Variants in MCC observed in about 807,000 individuals in gnomAD.
The protein encoded by MCC is colorectal mutant cancer protein.
Under a neutral mutation model 116.2 loss-of-function variants are expected in MCC, and 90 were observed. The observed-to-expected ratio is 0.77, with a 90% confidence interval of 0.65 to 0.92. The LOEUF (loss-of-function observed/expected upper bound fraction) is 0.92, where lower values mean the gene tolerates loss of function less well. Among genes scored for constraint, MCC ranks in the 40% least tolerant of loss-of-function variants. The pLI is 0.00. For missense variants in MCC, 1,516 were observed against 1,312.2 expected, an observed-to-expected ratio of 1.16 and a Z score of -2.40; for synonymous variants, 578 against 510.5, an observed-to-expected ratio of 1.13 and a Z score of -1.78.
rs1463124376 is a variant in MCC, at chr5:113,250,747, G to T, written c.627+89772C>A. On this transcript the variant is annotated intron_variant, in intron 3 of 18. Coordinates refer to ENST00000408903, the MANE Select transcript of MCC (RefSeq NM_001085377.2). ...ACAAAGACGGCCAATGCTGGAAAACGCATGTGGCTTTTTCTAAGGGGCTGA... is the reference window on the plus strand; with the variant it reads ...ACAAAGACGGCCAATGCTGGAAAACTCATGTGGCTTTTTCTAAGGGGCTGA... 2.6e-5 allele frequency among the ~76,000 whole-genome samples: 4 copies of T among 152,248 alleles called. No individual in the cohort carries two copies. The South Asian group carries it at 6.2e-4, about 24-fold the overall frequency.
At chr5:113,325,234 C>T (rs1767523750) in intron 3 of MCC, among the ~76,000 whole-genome samples, 2 of 152,088 alleles carry the variant, frequency 1.3e-5, no homozygotes, top group African/African-American at 4.8e-5. Flanking sequence ...CCCAGTGTTT[C>T]CTTCTTACCA....
At chr5:113,276,328 G>A (rs1176985724) in intron 3 of MCC, among the ~76,000 whole-genome samples, 1 of 152,146 alleles carries the variant, frequency 6.6e-6, no homozygotes, top group Non-Finnish European at 1.5e-5. Context: ...TTTTTAAACT[G>A]AACTTTATAG....
At chr5:113,317,664 T>C (rs1767318818) in intron 3 of MCC, among the ~76,000 whole-genome samples, 1 of 152,222 alleles carries the variant, frequency 6.6e-6, no homozygotes, top group South Asian at 2.1e-4. Flanking sequence ...GAGCAAAATG[T>C]TTTCCATAAA....
chr5:113,199,151 G>A (rs1762568845), intron 3 of MCC, among the ~76,000 whole-genome samples: 1 of 152,010 alleles, frequency 6.6e-6, no homozygotes, highest in African/African-American at 2.4e-5. Flanking sequence ...CAGCCTAGGT[G>A]ACAGAGCGAG....
chr5:113,370,401 G>T (rs1251974744), intron 2 of MCC, among the ~76,000 whole-genome samples: 1 of 152,168 alleles, frequency 6.6e-6, no homozygotes, highest in Non-Finnish European at 1.5e-5. Context: ...TGTCTAAAGA[G>T]AAATTAACAG....
intron 14 of MCC, among the ~76,000 whole-genome samples, chr5:113,063,610 T>C (rs1009851000): frequency 5.9e-5 from 9 of 152,198 alleles, no homozygotes; most frequent in African/African-American, 2.2e-4. Flanking sequence ...AGGGACCATT[T>C]GGAGCAAACG....
In MCC at chr5:113,298,736, G is replaced by A. The variant is rs150808985; in HGVS notation, c.627+41783C>T. On this transcript the variant is annotated intron_variant, in intron 3 of 18. Coordinates refer to ENST00000408903, the MANE Select transcript of MCC (RefSeq NM_001085377.2). ...TCTTCCTAGGAGAACAGAAACAAGA[G>A]AACGAGAGAGTGTACACAGTAGGGA... is the stretch of plus-strand genomic sequence containing the variant. Among the ~76,000 whole-genome samples the A allele has an allele frequency of 3.3e-3, 508 of 152,288 alleles. 1 individual carries two copies. The highest frequency in any genetic ancestry group is 0.012 in the African/African-American group (496 of 41,554).
At chr5:113,063,324 A>C (rs1378585891) in intron 14 of MCC, among the ~76,000 whole-genome samples, 3 of 152,242 alleles carry the variant, frequency 2.0e-5, no homozygotes, top group African/African-American at 7.2e-5. Context: ...AAATGACTTC[A>C]GCAAATTATG....
chr5:113,418,739 T>C (rs1229104619), intron 1 of MCC, among the ~76,000 whole-genome samples: 3 of 151,444 alleles, frequency 2.0e-5, no homozygotes, highest in Non-Finnish European at 3.0e-5. Flanking sequence ...AAGTAGCCAT[T>C]TAGCAAAGTG....
At chr5:113,159,646 C>A (rs905920823) in intron 3 of MCC, among the ~76,000 whole-genome samples, 1 of 152,198 alleles carries the variant, frequency 6.6e-6, no homozygotes. Context: ...AAGCCTCATT[C>A]AGCTTCCCAT....
At chr5:113,280,347 T>C (rs757270259) in intron 3 of MCC, among the ~76,000 whole-genome samples, 2 of 152,182 alleles carry the variant, frequency 1.3e-5, no homozygotes, top group Non-Finnish European at 2.9e-5. Flanking sequence ...TCTCCTAGTA[T>C]TATTTTACTT....
At chr5:113,373,186 A>T (rs531281154) in intron 2 of MCC, among the ~76,000 whole-genome samples, 3 of 147,302 alleles carry the variant, frequency 2.0e-5, no homozygotes, top group East Asian at 2.0e-4. Context: ...CTCAAAAAAA[A>T]ATAAAATAAA....
intron 1 of MCC, among the ~76,000 whole-genome samples, chr5:113,401,764 CTTAT>C (rs1402074886): frequency 8.0e-6 from 1 of 125,250 alleles, no homozygotes; most frequent in Non-Finnish European, 1.7e-5. Flanking sequence ...CCCAGGTTTT[CTTAT>C]TTATATATAT....
At position 113,023,896 on chromosome 5, in the gene MCC, G is replaced by GTTCT. The variant is rs1422903697; in HGVS notation, c.*3402_*3405dup. On this transcript the variant is annotated 3_prime_UTR_variant, in exon 19 of 19. Transcript: ENST00000408903. ...CAGAAGGGAACAAGCAACTATGGAG[G>GTTCT]TTCTTTAATTCATGCCAGGGACACA... 1 of 152,204 alleles carries GTTCT rather than the reference G, an allele frequency of 6.6e-6. No homozygotes were observed. The highest frequency in any genetic ancestry group is 1.5e-5 in the Non-Finnish European group (1 of 68,038). The allele number at this position is 152,204 out of a possible 1,614,324, so 9.4% of individuals were successfully genotyped here. A position where few individuals can be genotyped will look rare whatever the true frequency, so the allele number is the denominator to read the frequency against.
Position 113,248,832 on chromosome 5 carries a change from C to CTTTTTTTTTTTTT in MCC, c.627+91674_627+91686dup, listed in dbSNP as rs1269527611. ...CATGTGCTCTCATTCTCTCTCTCTT[C>CTTTTTTTTTTTTT]TTTTTTTTTTTTTGAGATGGAGTCT... On this transcript the variant is annotated intron_variant, in intron 3 of 18. Coordinates refer to ENST00000408903, the MANE Select transcript of MCC (RefSeq NM_001085377.2). Among the ~76,000 whole-genome samples the CTTTTTTTTTTTTT allele has an allele frequency of 1.1e-3, 146 of 138,158 alleles. 1 individual carries two copies. The highest frequency in any genetic ancestry group is 1.5e-3 in the Admixed American group (19 of 12,830). The allele number at this position is 138,158 out of a possible 152,430, so 90.6% of individuals were successfully genotyped here. A position where few individuals can be genotyped will look rare whatever the true frequency, so the allele number is the denominator to read the frequency against.
chr5:113,127,475 G>C (rs1365253392), intron 5 of MCC, among the ~76,000 whole-genome samples: 1 of 152,114 alleles, frequency 6.6e-6, no homozygotes, highest in African/African-American at 2.4e-5. Context: ...CCAACAGTGT[G>C]TAAGTATTCC....
At chr5:113,296,256 T>A (rs904254642) in intron 3 of MCC, among the ~76,000 whole-genome samples, 2 of 152,186 alleles carry the variant, frequency 1.3e-5, no homozygotes, top group Non-Finnish European at 2.9e-5. Flanking sequence ...TGGTGGTATA[T>A]ACATAACTAT....
intron 8 of MCC, among the ~76,000 whole-genome samples, chr5:113,085,827 G>A (rs781526839): frequency 6.6e-6 from 1 of 152,130 alleles, no homozygotes; most frequent in Non-Finnish European, 1.5e-5. Context: ...GAGCAGCTGG[G>A]ACTAGGTGCA....
intron 3 of MCC, among the ~76,000 whole-genome samples, chr5:113,164,575 A>C (rs778338729): frequency 3.3e-5 from 5 of 152,222 alleles, no homozygotes; most frequent in Non-Finnish European, 5.9e-5. Flanking sequence ...CGTGTCGATC[A>C]CTTTACAAGA....
Sources: allele counts gnomAD v4.1 joint callset (sites outside exome capture counted in the v4.1 genomes callset), GRCh38; gene constraint gnomAD v4.1.1; transcripts MANE v1.5; gene names NCBI Gene and HGNC (gene_info 2026-07-23, HGNC 2026-07-21).